NBN: variants seen among roughly 807,000 people sequenced by gnomAD.
NBN encodes the protein nibrin, also known as Nijmegen breakage syndrome 1 (nibrin).
In NBN, 88 loss-of-function variants were observed where a neutral mutation model predicts 90.8. The observed-to-expected ratio is 0.97, with a 90% CI of 0.82 to 1.16. The LOEUF (loss-of-function observed/expected upper bound fraction) is 1.16, where lower values mean the gene tolerates loss of function less well. Among genes scored for constraint, NBN ranks in the 50% most tolerant of loss-of-function variants. The pLI is 0.00. For synonymous variants in NBN, 328 were observed against 295.1 expected, an observed-to-expected ratio of 1.11 and a Z score of -1.14; for missense variants, 894 against 869.6, an observed-to-expected ratio of 1.03 and a Z score of -0.35.
At position 89,953,473 on chromosome 8, in the gene NBN, G is replaced by C. The variant is rs768431216; in HGVS notation, c.1616C>G (p.Ser539Cys). ...KSIVKNSASK[S>C]HAAEKLRSNK... The stretch of plus-strand genomic sequence containing the variant: ...TGATCTTAGCTTTTCTGCAGCATGA[G>C]ATTTACTGGCAGAATTTTTCACAAT... Residue 539 changes from serine to cysteine, a missense_variant, in exon 11 of 16, where the codon TCT becomes TGT. By Grantham distance (112) the Ser-to-Cys change is moderately radical. Transcript: ENST00000265433. The C allele has an allele frequency of 2.5e-6, 4 of 1,613,554 alleles. No homozygotes were observed. The highest frequency in any genetic ancestry group is 3.4e-6 in the Non-Finnish European group (4 of 1,179,686).
rs1554556498 is a variant in NBN, at chr8:89,946,175, AATC to A, written c.2032_2034del (p.Asp678del). The A allele has an allele frequency of 1.2e-6, 2 of 1,601,596 alleles. No homozygotes were observed. The highest frequency in any genetic ancestry group is 1.7e-6 in the Non-Finnish European group (2 of 1,169,340). ...TTCTTGAAATTTTTTAGTTGACCAT[AATC>A]ATCATTTATGCCAGATGGATTTCTG... On this transcript the variant is annotated inframe_deletion, in exon 13 of 16. Coordinates refer to ENST00000265433, the MANE Select transcript of NBN (RefSeq NM_002485.5).
intron 1 of NBN, among the ~76,000 whole-genome samples, chr8:89,983,844 T>G (rs1211677884): frequency 6.6e-6 from 1 of 151,954 alleles, no homozygotes; most frequent in Non-Finnish European, 1.5e-5. Context: ...AGTATAAAAT[T>G]TATTTAGTTT....
chr8:89,968,157 G>A (rs530588814), intron 7 of NBN, among the ~76,000 whole-genome samples: 2 of 152,226 alleles, frequency 1.3e-5, no homozygotes, highest in African/African-American at 2.4e-5. Context: ...TACTTGGGAG[G>A]CTGAGGCAGG....
At chr8:89,961,379 C>T (rs938363278) in intron 8 of NBN, among the ~76,000 whole-genome samples, 1 of 152,182 alleles carries the variant, frequency 6.6e-6, no homozygotes, top group African/African-American at 2.4e-5. Context: ...ACAATCTACT[C>T]AGTGGCTGAA....
intron 15 of NBN, chr8:89,936,011 C>T (rs1298861352): frequency 2.8e-6 from 1 of 355,218 alleles, no homozygotes; most frequent in African/African-American, 2.2e-5. Context: ...AACATTTTCT[C>T]CTACAGCAGT....
chr8:89,942,668 G>C (rs542639458), intron 14 of NBN, among the ~76,000 whole-genome samples: 1 of 152,246 alleles, frequency 6.6e-6, no homozygotes, highest in African/African-American at 2.4e-5. Flanking sequence ...ATGCCAACTA[G>C]AGTTGAAGAC....
rs1437392838 is a variant in NBN at position 89,964,410 on chromosome 8, C to T, written c.994G>A (p.Gly332Arg). ...YCDPQGHPST[G>R]LKTTTPGPSL... is the part of the protein sequence containing the mutation. The stretch of plus-strand genomic sequence containing the variant: ...ATCAATAAAATAATGCTTCAATTAC[C>T]TGTACTGGGATGGCCCTGAGGATCA... The change falls in exon 8 of 16, where the codon GGA (glycine) becomes AGA (arginine). Residue 332 changes from glycine (G) to arginine (R), a missense_variant and splice_region_variant. Physicochemically the swap from Gly to Arg is moderately radical, Grantham distance 125. Coordinates refer to ENST00000265433, the MANE Select transcript of NBN (RefSeq NM_002485.5). 6.8e-6 allele frequency: 11 copies of T among 1,613,702 alleles called. No individual in the cohort carries two copies. Among genetic ancestry groups the T allele is most frequent in the Non-Finnish European group, 9.3e-6 (11 of 1,179,818 alleles).
In NBN at chr8:89,933,441, A is replaced by G. The variant is rs1248495387; in HGVS notation, c.*2141T>C. 2.2e-5 allele frequency: 5 copies of G among 228,970 alleles called. No individual in the cohort carries two copies. Among genetic ancestry groups the G allele is most frequent in the Non-Finnish European group, 4.3e-5 (5 of 115,602 alleles). The allele number at this position is 228,970 out of a possible 1,614,324, so 14.2% of individuals were successfully genotyped here. A position where few individuals can be genotyped will look rare whatever the true frequency, so the allele number is the denominator to read the frequency against. ...TGAGTGAGTGCAAGGATGGACAAACATTTCAGTGTAACCAAACAGAAAGTC... is the reference window on the plus strand; with the variant it reads ...TGAGTGAGTGCAAGGATGGACAAACGTTTCAGTGTAACCAAACAGAAAGTC... On this transcript the variant is annotated 3_prime_UTR_variant, in exon 16 of 16. Coordinates refer to ENST00000265433, the MANE Select transcript of NBN (RefSeq NM_002485.5).
intron 5 of NBN, among the ~76,000 whole-genome samples, chr8:89,975,957 AT>A (rs1425672024): frequency 2.0e-5 from 3 of 152,210 alleles, no homozygotes; most frequent in Non-Finnish European, 4.4e-5. Flanking sequence ...TTAAAATACT[AT>A]GCAAGTTTGT....
At chr8:89,943,853 T>C (rs980334602) in intron 13 of NBN, among the ~76,000 whole-genome samples, 3 of 152,166 alleles carry the variant, frequency 2.0e-5, no homozygotes, top group Non-Finnish European at 4.4e-5. Flanking sequence ...ATATTTTAAT[T>C]GTTTACTAGT....
chr8:89,946,409 T>C (rs1810196746), intron 12 of NBN, 114 bp from the exon 13 acceptor site: 1 of 929,474 alleles, frequency 1.1e-6, no homozygotes, highest in Non-Finnish European at 1.7e-6. Flanking sequence ...ATAGTAAAAA[T>C]GTTTTATTTC....
At chr8:89,982,189 T>C (rs1812102312) in intron 2 of NBN, among the ~76,000 whole-genome samples, 1 of 152,176 alleles carries the variant, frequency 6.6e-6, no homozygotes, top group African/African-American at 2.4e-5. Flanking sequence ...CTGAAAGCCA[T>C]TTAAAGGAGC....
At chr8:89,956,939 T>A (rs1453453721) in intron 9 of NBN, among the ~76,000 whole-genome samples, 1 of 152,182 alleles carries the variant, frequency 6.6e-6, no homozygotes, top group Non-Finnish European at 1.5e-5. Context: ...TATGGTGATG[T>A]TGATGTAAAC....
Position 89,984,656 on chromosome 8 carries a change from C to T in NBN, c.-95G>A. The T allele has an allele frequency of 1.9e-6, 3 of 1,554,892 alleles. No individual in the cohort carries two copies. The highest frequency in any genetic ancestry group is 1.2e-5 in the South Asian group (1 of 86,038). On this transcript the variant is annotated 5_prime_UTR_variant, in exon 1 of 16. Transcript: ENST00000265433. ...CGGCGCCTGCGGTCGGCATGGGCTC[C>T]GGGACGTGCGCGCTCCCGGGAGCCA...
chr8:89,935,980 T>G (rs1322123329), intron 15 of NBN: 2 of 343,126 alleles, frequency 5.8e-6, no homozygotes, highest in Non-Finnish European at 1.1e-5. Flanking sequence ...ATAATCTACT[T>G]AAATGTAATT....
chr8:89,979,919 A>G (rs1811975923), intron 4 of NBN, among the ~76,000 whole-genome samples: 1 of 152,216 alleles, frequency 6.6e-6, no homozygotes, highest in Non-Finnish European at 1.5e-5. Context: ...GTAATATCTT[A>G]AAGAGGACTG....
intron 8 of NBN, among the ~76,000 whole-genome samples, chr8:89,959,604 A>C (rs976802965): frequency 7.9e-5 from 12 of 151,868 alleles, no homozygotes; most frequent in Non-Finnish European, 1.8e-4. Context: ...ATTAAAAAAA[A>C]CTTGCCAGGC....
At chr8:89,976,153 A>G (rs990588166) in intron 5 of NBN, among the ~76,000 whole-genome samples, 5 of 151,968 alleles carry the variant, frequency 3.3e-5, no homozygotes, top group African/African-American at 1.2e-4. Context: ...CACCACACCC[A>G]GCTAATTTTG....
rs1056321081 is a variant in NBN, at chr8:89,984,649, T to G, written c.-88A>C. On this transcript the variant is annotated 5_prime_UTR_variant, in exon 1 of 16. The change abolishes an upstream ATG in the 5' untranslated region. Transcript: ENST00000265433. ...GCGGATACGGCGCCTGCGGTCGGCA[T>G]GGGCTCCGGGACGTGCGCGCTCCCG... 3.2e-6 allele frequency: 5 copies of G among 1,574,798 alleles called. No individual in the cohort carries two copies. In the African/African-American group the frequency reaches 6.8e-5, roughly 21 times the overall value.
Sources: gnomAD v4.1 joint callset for allele counts (sites outside exome capture counted in the v4.1 genomes callset) on GRCh38, gnomAD v4.1.1 for gene constraint, MANE v1.5 for transcripts, NCBI Gene and HGNC (gene_info 2026-07-23, HGNC 2026-07-21) for gene names.